Variants in COL10A1 observed in about 807,000 individuals in gnomAD.
COL10A1 encodes the protein collagen alpha-1(X) chain.
Under a neutral mutation model 18.2 loss-of-function variants are expected in COL10A1, and 10 were observed. That is an observed-to-expected ratio of 0.55 (90% CI 0.34 to 0.93). COL10A1 has a LOEUF of 0.93. Ranked by LOEUF, COL10A1 falls within the 40% of genes least tolerant of loss-of-function variation. The pLI is 0.02. For missense variants in COL10A1, 897 were observed against 853.5 expected (o/e 1.05, Z -0.64); for synonymous variants, 330 against 316.6 (o/e 1.04, Z -0.45).
At chr6:116,142,989 A>G (rs1165152056) in intron 1 of COL10A1, among the ~76,000 whole-genome samples, 3 of 152,216 alleles carry the variant, frequency 2.0e-5, no homozygotes, top group Admixed American at 6.5e-5. Context: ...GGATAAAATT[A>G]TAGACATTAT....
rs775083247 is a variant in COL10A1 at position 116,121,753 on chromosome 6, T to C, written c.363A>G (p.Gly121=). ...PGLPGKPGER[G]PYGPKGDVGP... Reference sequence around the variant, plus strand: ...CAACATCTCCTTTTGGTCCATATGGTCCTCTCTCTCCTGGTTTTCCTGGGA... The same window carrying C: ...CAACATCTCCTTTTGGTCCATATGGCCCTCTCTCTCCTGGTTTTCCTGGGA... The change falls in exon 3 of 3, where the codon GGA becomes GGG. Residue 121 remains glycine, a synonymous_variant. Coordinates refer to ENST00000651968, the MANE Select transcript of COL10A1 (RefSeq NM_000493.4). 1 of 1,613,772 alleles carries C rather than the reference T, an allele frequency of 6.2e-7. No homozygotes were observed. Among genetic ancestry groups the C allele is most frequent in the Non-Finnish European group, 8.5e-7 (1 of 1,179,932 alleles).
intron 1 of COL10A1, among the ~76,000 whole-genome samples, chr6:116,135,472 C>T (rs931688582): frequency 6.6e-6 from 1 of 151,470 alleles, no homozygotes; most frequent in Non-Finnish European, 1.5e-5. Context: ...TTGGTAGAGC[C>T]CTCAGTTCTG....
the COL10A1 span, among the ~76,000 whole-genome samples, chr6:116,189,724 A>G: frequency 6.6e-6 from 1 of 151,794 alleles, no homozygotes; most frequent in Non-Finnish European, 1.5e-5. Context: ...CTGAGGATGA[A>G]AAAAAAATGA....
intron 1 of COL10A1, among the ~76,000 whole-genome samples, chr6:116,153,351 A>G (rs958600767): frequency 5.3e-5 from 8 of 152,100 alleles, no homozygotes; most frequent in Non-Finnish European, 1.0e-4. Context: ...TTTTTCACAA[A>G]CATCTTGAGG....
At chr6:116,147,007 A>ATG (rs1205564203) in intron 1 of COL10A1, among the ~76,000 whole-genome samples, 1 of 148,094 alleles carries the variant, frequency 6.8e-6, no homozygotes, top group African/African-American at 2.5e-5. Context: ...TAAAATATAT[A>ATG]TATATATTTT....
intron 1 of COL10A1, among the ~76,000 whole-genome samples, chr6:116,150,138 C>G (rs1341469590): frequency 6.6e-6 from 1 of 152,030 alleles, no homozygotes; most frequent in Non-Finnish European, 1.5e-5. Flanking sequence ...AATGAGAGGC[C>G]AAGTCTTGAA....
At chr6:116,215,352 C>T in the COL10A1 span, among the ~76,000 whole-genome samples, 1 of 152,134 alleles carries the variant, frequency 6.6e-6, no homozygotes, top group Admixed American at 6.6e-5. Flanking sequence ...ACTGTGGAGC[C>T]TAAGCTGACT....
intron 1 of COL10A1, among the ~76,000 whole-genome samples, chr6:116,140,102 C>G (rs1317839321): frequency 6.6e-6 from 1 of 152,112 alleles, no homozygotes; most frequent in Admixed American, 6.6e-5. Flanking sequence ...GGTGGCAGAG[C>G]GGAGAGTTGA....
chr6:116,174,312 G>GA, the COL10A1 span, among the ~76,000 whole-genome samples: 2 of 151,984 alleles, frequency 1.3e-5, no homozygotes, highest in African/African-American at 2.4e-5. Context: ...GCCTGAAGTA[G>GA]AAAAAAATAT....
At chr6:116,210,457 G>A in the COL10A1 span, among the ~76,000 whole-genome samples, 7 of 151,838 alleles carry the variant, frequency 4.6e-5, no homozygotes, top group East Asian at 5.8e-4. Context: ...CACAAGCTCC[G>A]AAAGCAGACC....
chr6:116,172,317 C>CTTTTTT, the COL10A1 span, among the ~76,000 whole-genome samples: 7 of 108,022 alleles, frequency 6.5e-5, no homozygotes, highest in Middle Eastern at 5.6e-3. Flanking sequence ...CCCTTAGTAA[C>CTTTTTT]TTTTTTTTTT....
chr6:116,185,893 A>G, the COL10A1 span, among the ~76,000 whole-genome samples: 2 of 152,034 alleles, frequency 1.3e-5, no homozygotes, highest in Non-Finnish European at 2.9e-5. Flanking sequence ...GTAGCATACT[A>G]TTCTATTCAT....
rs1779117627 is a variant in COL10A1 at position 116,121,349 on chromosome 6, C to T, written c.767G>A (p.Gly256Glu). ...TCCAATGCCTTCTGGCCCTCGTTCC[C>T]CAGGAGGGCCTTGGGGACCTGGTGG... is the stretch of plus-strand genomic sequence containing the variant. ...IGPPGPQGPP[G>E]ERGPEGIGKP... The change falls in exon 3 of 3, where the codon GGG becomes GAG. Residue 256 changes from glycine (G) to glutamate (E), a missense_variant. Physicochemically the swap from Gly to Glu is moderately conservative, Grantham distance 98 (BLOSUM62 -2). Coordinates refer to ENST00000651968, the MANE Select transcript of COL10A1 (RefSeq NM_000493.4). 2.5e-6 allele frequency: 4 copies of T among 1,614,078 alleles called. No individual in the cohort carries two copies. The highest frequency in any genetic ancestry group is 2.5e-6 in the Non-Finnish European group (3 of 1,179,988).
the COL10A1 span, among the ~76,000 whole-genome samples, chr6:116,171,461 A>G: frequency 6.6e-6 from 1 of 152,216 alleles, no homozygotes; most frequent in African/African-American, 2.4e-5. Flanking sequence ...GTGGTGGTAA[A>G]GATGATTATT....
chr6:116,141,816 T>C (rs1261749890), intron 1 of COL10A1, among the ~76,000 whole-genome samples: 1 of 150,758 alleles, frequency 6.6e-6, no homozygotes, highest in Non-Finnish European at 1.5e-5. Flanking sequence ...AGGATTATGA[T>C]AAGCATTTAA....
At chr6:116,176,458 C>T in the COL10A1 span, among the ~76,000 whole-genome samples, 1 of 152,164 alleles carries the variant, frequency 6.6e-6, no homozygotes, top group African/African-American at 2.4e-5. Flanking sequence ...TTCTGCTTTA[C>T]TGGTTCTCCT....
At chr6:116,190,653 T>C in the COL10A1 span, among the ~76,000 whole-genome samples, 2 of 151,974 alleles carry the variant, frequency 1.3e-5, no homozygotes, top group African/African-American at 4.8e-5. Context: ...CTTTATTGGA[T>C]CGTCAATAAA....
the COL10A1 span, among the ~76,000 whole-genome samples, chr6:116,216,642 T>C: frequency 6.6e-6 from 1 of 151,904 alleles, no homozygotes; most frequent in Non-Finnish European, 1.5e-5. Context: ...CTAGATTTAT[T>C]TATTTAATTA....
chr6:116,185,798 G>A, the COL10A1 span, among the ~76,000 whole-genome samples: 2 of 152,022 alleles, frequency 1.3e-5, no homozygotes, highest in African/African-American at 4.8e-5. Flanking sequence ...CAGATACTTG[G>A]TTGGTGAATT....
Sources: allele counts gnomAD v4.1 joint callset (sites outside exome capture counted in the v4.1 genomes callset), GRCh38; gene constraint gnomAD v4.1.1; transcripts MANE v1.5; gene names NCBI Gene and HGNC (gene_info 2026-07-23, HGNC 2026-07-21).